Variants in INTS6 observed in about 807,000 individuals in gnomAD.
INTS6 encodes the protein DEAD box protein.
A neutral mutation model predicts 104.9 loss-of-function variants in INTS6; 16 were observed. The observed-to-expected ratio is 0.15, with a 90% CI of 0.10 to 0.23. The LOEUF (loss-of-function observed/expected upper bound fraction) is 0.23, where lower values mean the gene tolerates loss of function less well. INTS6 is among the 10% of genes least tolerant of loss of function. INTS6 has a pLI of 1.00. For synonymous variants in INTS6, 324 were observed against 358.7 expected (o/e 0.90, Z 1.09); for missense variants, 584 against 1,062.8 (o/e 0.55, Z 6.26).
chr13:51,385,423 C>T (rs760649479), intron 7 of INTS6, among the ~76,000 whole-genome samples: 2 of 152,198 alleles, frequency 1.3e-5, no homozygotes, highest in African/African-American at 2.4e-5. Context: ...TTTATTGAAT[C>T]AGTCCACAAA....
chr13:51,415,466 T>TGC (rs1304398608), intron 4 of INTS6, among the ~76,000 whole-genome samples: 1 of 152,190 alleles, frequency 6.6e-6, no homozygotes, highest in Non-Finnish European at 1.5e-5. Flanking sequence ...GATGGGTCTC[T>TGC]GCCATGCTGT....
chr13:51,386,506 C>T (rs1050970287), intron 7 of INTS6, among the ~76,000 whole-genome samples: 2 of 151,934 alleles, frequency 1.3e-5, no homozygotes, highest in African/African-American at 4.8e-5. Flanking sequence ...TTTAGAAAAC[C>T]TTAACTTCAT....
intron 3 of INTS6, chr13:51,450,347 G>T: frequency 2.0e-6 from 2 of 985,342 alleles, no homozygotes; most frequent in Non-Finnish European, 2.4e-6. Context: ...TCAAATACAT[G>T]AAAGTAAGTG....
intron 10 of INTS6, 123 bp from the exon 11 acceptor site, chr13:51,379,695 T>C: frequency 2.0e-6 from 1 of 491,324 alleles, no homozygotes; most frequent in Non-Finnish European, 3.6e-6. Context: ...AATAAGGAAG[T>C]AACACAATCG....
At chr13:51,415,730 T>C (rs1216770242) in intron 4 of INTS6, among the ~76,000 whole-genome samples, 1 of 152,186 alleles carries the variant, frequency 6.6e-6, no homozygotes. Flanking sequence ...GAGTAATATA[T>C]AATTATTAAT....
At chr13:51,414,935 A>T (rs180683012) in intron 4 of INTS6, among the ~76,000 whole-genome samples, 4 of 151,882 alleles carry the variant, frequency 2.6e-5, no homozygotes, top group African/African-American at 9.7e-5. Flanking sequence ...CCGTCCAACA[A>T]TCCCAATCCC....
At chr13:51,442,660 TCAGCAG>T (rs1302238533) in intron 3 of INTS6, 2 of 152,736 alleles carry the variant, frequency 1.3e-5, no homozygotes, top group Non-Finnish European at 2.9e-5. Context: ...TCCTGTTAGA[TCAGCAG>T]CAGCATTAGA....
rs544088296 is a variant in INTS6, at chr13:51,451,818, G to A, written c.189+160C>T. ...CGCCGCGCTAGGACGCTGCCGAGCG[G>A]GGGAGGGGGTGGGAGCCCGCAGGGA... On this transcript the variant is annotated intron_variant, in intron 2 of 17. Transcript: ENST00000311234. 8.6e-5 allele frequency among the ~76,000 whole-genome samples: 13 copies of A among 150,614 alleles called. No homozygotes were observed. In the East Asian group the frequency reaches 2.6e-3, roughly 30 times the overall value.
the INTS6 span, among the ~76,000 whole-genome samples, chr13:51,337,333 T>C: frequency 6.6e-6 from 1 of 152,356 alleles, no homozygotes; most frequent in East Asian, 1.9e-4. Context: ...TTGAAAGTGA[T>C]TTGTTTATAA....
At chr13:51,441,922 G>C (rs1450275625) in intron 3 of INTS6, 1 of 150,716 alleles carries the variant, frequency 6.6e-6, no homozygotes, top group Non-Finnish European at 1.5e-5. Context: ...CTAGGTTCAA[G>C]TGACTCTCCT....
chr13:51,418,642 G>A (rs1181478042), intron 4 of INTS6, among the ~76,000 whole-genome samples: 1 of 152,122 alleles, frequency 6.6e-6, no homozygotes, highest in Non-Finnish European at 1.5e-5. Context: ...AATATCCAAT[G>A]TACATCCAAA....
intron 13 of INTS6, among the ~76,000 whole-genome samples, chr13:51,375,028 C>G (rs762266065): frequency 3.9e-5 from 6 of 152,080 alleles, no homozygotes; most frequent in African/African-American, 7.2e-5. Context: ...TTCACACATA[C>G]ATACATTGCC....
chr13:51,449,432 T>C (rs748045813), intron 3 of INTS6: 57 of 976,782 alleles, frequency 5.8e-5, no homozygotes, highest in Non-Finnish European at 6.9e-5. Context: ...AGGTTTAAAT[T>C]ACAAATGTCC....
intron 4 of INTS6, among the ~76,000 whole-genome samples, chr13:51,412,590 A>T (rs1023394695): frequency 6.6e-6 from 1 of 152,298 alleles, no homozygotes; most frequent in African/African-American, 2.4e-5. Context: ...GGAGTACTAC[A>T]GGTAATTCTT....
rs531050392 is a variant in INTS6, at chr13:51,396,436, T to C, written c.430-953A>G. On this transcript the variant is annotated intron_variant, in intron 4 of 17. Transcript: ENST00000311234. ...AAGTTAGAATCTTTTCTGAGATTCT[T>C]AAGCATCTTAAAAAGTTTTAAATGA... 3.9e-5 allele frequency among the ~76,000 whole-genome samples: 6 copies of C among 152,308 alleles called. No homozygotes were observed. In the East Asian group the frequency reaches 1.2e-3, roughly 29 times the overall value.
Position 51,452,314 on chromosome 13 carries a change from G to A in INTS6, c.111+101C>T, listed in dbSNP as rs1360662182. On this transcript the variant is annotated intron_variant, in intron 1 of 17. Coordinates refer to ENST00000311234, the MANE Select transcript of INTS6 (RefSeq NM_012141.3). The surrounding 1 kb of genome is among the most constrained non-coding windows in gnomAD (Gnocchi z 4.2). Reference sequence around the variant, plus strand: ...GGGGTCCCCGAGCCCGGCAGCTCCCGCAGTCAGGTCCCCGACACCCCCGCC... The same window carrying A: ...GGGGTCCCCGAGCCCGGCAGCTCCCACAGTCAGGTCCCCGACACCCCCGCC... 4 of 1,145,466 alleles carry A rather than the reference G, an allele frequency of 3.5e-6. No individual in the cohort carries two copies. The highest frequency in any genetic ancestry group is 4.7e-5 in the Admixed American group (1 of 21,238). 71.0% of individuals were successfully genotyped at this position (1,145,466 alleles called of 1,614,324 possible).
Position 51,374,311 on chromosome 13 carries a change from T to G in INTS6, c.2001A>C (p.Arg667Ser). 1 of 1,614,170 alleles carries G rather than the reference T, an allele frequency of 6.2e-7. No individual in the cohort carries two copies. The highest frequency in any genetic ancestry group is 8.5e-7 in the Non-Finnish European group (1 of 1,180,002). Residue 667 changes from arginine to serine, a missense_variant, in exon 15 of 18, where the codon AGA becomes AGC. Physicochemically the swap from Arg to Ser is moderately radical, Grantham distance 110 (BLOSUM62 -1). Coordinates refer to ENST00000311234, the MANE Select transcript of INTS6 (RefSeq NM_012141.3). ...GATTGTTTACAACAGGATTCTGCTG[T>G]CTGCCTCTTAGTAGTGGAGACATAC... The part of the protein sequence containing the change: ...RRCMSPLLRG[R>S]QQNPVVNNHI...
chr13:51,391,653 A>G (rs1956247747), intron 5 of INTS6, among the ~76,000 whole-genome samples: 1 of 152,184 alleles, frequency 6.6e-6, no homozygotes. Context: ...CAAGTCAAGA[A>G]GCTGTCTCAC....
At chr13:51,348,200 A>G in the INTS6 span, 1 of 1,568,104 alleles carries the variant, frequency 6.4e-7, no homozygotes, top group Non-Finnish European at 8.7e-7. Context: ...CCTCTGATCC[A>G]CTGTACCCTC....
Sources: allele counts gnomAD v4.1 joint callset (sites outside exome capture counted in the v4.1 genomes callset), GRCh38; gene constraint gnomAD v4.1.1; non-coding constraint Gnocchi (gnomAD v3.1); transcripts MANE v1.5; gene names NCBI Gene and HGNC (gene_info 2026-07-23, HGNC 2026-07-21).